Variants in ASNS observed in about 807,000 individuals in gnomAD.
The protein encoded by ASNS is asparagine synthetase (glutamine-hydrolyzing), also known as asparagine synthetase [glutamine-hydrolyzing].
In ASNS, 37 loss-of-function variants were observed where a neutral mutation model predicts 62.6. That is an observed-to-expected ratio of 0.59 (90% CI 0.45 to 0.78). The LOEUF is 0.78. Among genes scored for constraint, ASNS ranks in the 30% least tolerant of loss-of-function variants. ASNS has a pLI of 0.00. For synonymous variants in ASNS, 207 were observed against 237.9 expected (o/e 0.87, Z 1.19); for missense variants, 520 against 682.4 (o/e 0.76, Z 2.65).
At position 97,865,113 on chromosome 7, in the gene ASNS, T is replaced by C. The variant is rs114954302; in HGVS notation, c.250-617A>G. ...GAAAATCTGTGGCTGTTTGACATCA[T>C]TGACCATCATTCCTGACTCTGAATT... On this transcript the variant is annotated intron_variant, in intron 3 of 12. Transcript: ENST00000394308. Among the ~76,000 whole-genome samples, 822 of 152,294 alleles carry C rather than the reference T, an allele frequency of 5.4e-3. 6 individuals carry two copies. The highest frequency in any genetic ancestry group is 0.017 in the African/African-American group (721 of 41,540).
the ASNS span, among the ~76,000 whole-genome samples, chr7:97,911,409 T>G: frequency 1.5e-4 from 23 of 151,326 alleles, 1 homozygote; most frequent in African/African-American, 5.3e-4. Flanking sequence ...GAGGCCGAGG[T>G]GGATGGAGGA....
upstream of ASNS, chr7:97,872,565 A>T (rs1345108053): frequency 6.6e-6 from 1 of 152,356 alleles, no homozygotes; most frequent in Non-Finnish European, 1.5e-5. Flanking sequence ...GGAAGGGCGC[A>T]AGGAGGAGCT....
intron 7 of ASNS, among the ~76,000 whole-genome samples, chr7:97,857,195 G>A (rs1791483571): frequency 6.6e-6 from 1 of 152,130 alleles, no homozygotes; most frequent in Admixed American, 6.5e-5. Flanking sequence ...TATCCAGGAT[G>A]TTATTCTTAT....
At chr7:97,879,221 A>T in the ASNS span, among the ~76,000 whole-genome samples, 1 of 152,200 alleles carries the variant, frequency 6.6e-6, no homozygotes, top group Non-Finnish European at 1.5e-5. Context: ...AATACCATTC[A>T]GGACATAGGC....
the ASNS span, among the ~76,000 whole-genome samples, chr7:97,912,545 T>TGGA: frequency 6.9e-6 from 1 of 145,026 alleles, no homozygotes; most frequent in Non-Finnish European, 1.5e-5. Context: ...AGGGGAGAGA[T>TGGA]GGAGGAAGTG....
chr7:97,915,188 C>A, the ASNS span, among the ~76,000 whole-genome samples: 1 of 152,142 alleles, frequency 6.6e-6, no homozygotes, highest in Admixed American at 6.5e-5. Context: ...GTCCTGACAC[C>A]ACCTTCTAGG....
the ASNS span, among the ~76,000 whole-genome samples, chr7:97,919,600 C>T: frequency 1.3e-5 from 2 of 152,336 alleles, no homozygotes; most frequent in South Asian, 2.1e-4. Context: ...CTTAAGCCGA[C>T]AAGCTTTCAA....
the ASNS span, among the ~76,000 whole-genome samples, chr7:97,895,282 G>A: frequency 6.6e-6 from 1 of 152,176 alleles, no homozygotes; most frequent in Admixed American, 6.5e-5. Flanking sequence ...GGGAAAAATT[G>A]AAAAGCCTTT....
the ASNS span, among the ~76,000 whole-genome samples, chr7:97,879,744 G>A: frequency 1.4e-3 from 206 of 152,322 alleles, 2 homozygotes; most frequent in African/African-American, 4.6e-3. Context: ...GCTGAGTCAC[G>A]CTGGATTCCT....
At chr7:97,913,978 G>A in the ASNS span, among the ~76,000 whole-genome samples, 8 of 151,808 alleles carry the variant, frequency 5.3e-5, no homozygotes, top group Non-Finnish European at 1.0e-4. Flanking sequence ...ACGGGTAGGG[G>A]GATAGATGGG....
chr7:97,906,601 T>C, the ASNS span: 1 of 161,588 alleles, frequency 6.2e-6, no homozygotes, highest in African/African-American at 2.4e-5. Flanking sequence ...AAACCCTCTT[T>C]GCAGTTTTCT....
At chr7:97,876,510 C>T (rs747276369), upstream of ASNS, among the ~76,000 whole-genome samples, 2 of 150,690 alleles carry the variant, frequency 1.3e-5, no homozygotes, top group Non-Finnish European at 2.9e-5. Context: ...TCACTGCAAC[C>T]TCTGCCTCCT....
chr7:97,867,328 C>A lies in ASNS; in HGVS notation c.249+1580G>T. 1.5e-5 allele frequency among the ~76,000 whole-genome samples: 2 copies of A among 130,718 alleles called. 1 individual carries two copies. The highest frequency in any genetic ancestry group is 4.6e-4 in the South Asian group (2 of 4,304). The allele number at this position is 130,718 out of a possible 152,430, so 85.8% of individuals were successfully genotyped here. A position where few individuals can be genotyped will look rare whatever the true frequency, so the allele number is the denominator to read the frequency against. Reference sequence around the variant, plus strand: ...GAGGTGTGGGGGGGATTTCTGAATACTTTATATAAGCCTAAAGTATACATT... The same window carrying A: ...GAGGTGTGGGGGGGATTTCTGAATAATTTATATAAGCCTAAAGTATACATT... On this transcript the variant is annotated intron_variant, in intron 3 of 12. Coordinates refer to ENST00000394308, the MANE Select transcript of ASNS (RefSeq NM_001673.5).
At position 97,853,389 on chromosome 7, in the gene ASNS, T is replaced by G; in HGVS notation, c.1239-3A>C. 6.2e-7 allele frequency: 1 copy of G among 1,610,204 alleles called. No homozygotes were observed. Among genetic ancestry groups the G allele is most frequent in the Non-Finnish European group, 8.5e-7 (1 of 1,178,648 alleles). On this transcript the variant is annotated splice_region_variant and splice_polypyrimidine_tract_variant and intron_variant, in intron 10 of 12. Transcript: ENST00000394308. The stretch of plus-strand genomic sequence containing the variant: ...GAAATGGGACTCTCAGTTCAAGACT[T>G]AAAGGAGAAAAGAAGAAAATCTAAA...
At chr7:97,917,344 C>T in the ASNS span, among the ~76,000 whole-genome samples, 1 of 152,212 alleles carries the variant, frequency 6.6e-6, no homozygotes, top group African/African-American at 2.4e-5. Flanking sequence ...GAAGCCACGG[C>T]CGTGCTCACA....
intron 4 of ASNS, among the ~76,000 whole-genome samples, chr7:97,862,641 C>A (rs1791779556): frequency 6.6e-6 from 1 of 151,880 alleles, no homozygotes; most frequent in African/African-American, 2.4e-5. Flanking sequence ...AGTATCAGTT[C>A]ATCAAATCTA....
At chr7:97,923,041 C>T in the ASNS span, among the ~76,000 whole-genome samples, 1 of 152,190 alleles carries the variant, frequency 6.6e-6, no homozygotes, top group Non-Finnish European at 1.5e-5. Context: ...CCGCCAGCCT[C>T]GACCTGCCAA....
the ASNS span, among the ~76,000 whole-genome samples, chr7:97,904,463 GT>G: frequency 6.6e-6 from 1 of 152,090 alleles, no homozygotes; most frequent in African/African-American, 2.4e-5. Flanking sequence ...GGGGTGCTCT[GT>G]TTCCCATCAA....
chr7:97,914,191 G>GATGGATGGATGGATGGATGA, the ASNS span, among the ~76,000 whole-genome samples: 1 of 151,680 alleles, frequency 6.6e-6, no homozygotes, highest in Non-Finnish European at 1.5e-5. Flanking sequence ...TGGATGGATG[G>GATGGATGGATGGATGGATGA]ATGGATGGAT....
Sources: gnomAD v4.1 joint callset for allele counts (sites outside exome capture counted in the v4.1 genomes callset) on GRCh38, gnomAD v4.1.1 for gene constraint, MANE v1.5 for transcripts, NCBI Gene and HGNC (gene_info 2026-07-23, HGNC 2026-07-21) for gene names.